Variants in TBC1D20 observed in about 807,000 individuals in gnomAD.
TBC1D20 encodes the protein chromosome 20 open reading frame 140.
In TBC1D20, 12 loss-of-function variants were observed where a neutral mutation model predicts 41.6. The ratio of observed to expected loss-of-function variants is 0.29; its 90% CI spans 0.18 to 0.47. The LOEUF is 0.47. TBC1D20 is among the 20% of genes least tolerant of loss of function. The probability of loss-of-function intolerance (pLI) is 1.00; values close to 1 mark genes in which losing one functional copy is unlikely to be tolerated. For synonymous variants in TBC1D20, 205 were observed against 204.8 expected (o/e 1.00, Z -0.01); for missense variants, 421 against 517.4 (o/e 0.81, Z 1.81).
rs1396794560 is a variant in TBC1D20, at chr20:438,541, G to T, written c.*45C>A. 6.3e-7 allele frequency: 1 copy of T among 1,592,860 alleles called. No individual in the cohort carries two copies. Among genetic ancestry groups the T allele is most frequent in the Non-Finnish European group, 8.6e-7 (1 of 1,165,436 alleles). ...CACCCCTCCCAATCCTTCCATGGAA[G>T]GGTGAGACCTTAATGTGATGTAAGA... On this transcript the variant is annotated 3_prime_UTR_variant, in exon 8 of 8. Coordinates refer to ENST00000354200, the MANE Select transcript of TBC1D20 (RefSeq NM_144628.4).
At chr20:441,420 C>G in intron 5 of TBC1D20, 168 bp downstream of exon 5, 1 of 624,072 alleles carries the variant, frequency 1.6e-6, no homozygotes, top group Non-Finnish European at 2.8e-6. Context: ...CAAAAATGCT[C>G]CAAGAACTGA....
chr20:452,546 G>A (rs2122413811), intron 1 of TBC1D20, among the ~76,000 whole-genome samples: 1 of 152,310 alleles, frequency 6.6e-6, no homozygotes, highest in Non-Finnish European at 1.5e-5. Flanking sequence ...GAGCCCAGGA[G>A]TATAAGGCTG....
At position 441,655 on chromosome 20, in the gene TBC1D20, G is replaced by C. The variant is rs758653370; in HGVS notation, c.559C>G (p.His187Asp). ...FMDPTMDNTK[H>D]ILNYLMPIID... ...ATGGGCATCAGATAGTTTAATATAT[G>C]CTTGGTGTTGTCCATTGTTGGATCC... is the stretch of plus-strand genomic sequence containing the variant. The change falls in exon 5 of 8, where the codon CAT (histidine) becomes GAT (aspartate). Residue 187 changes from histidine (H) to aspartate (D), a missense_variant. Transcript: ENST00000354200. 4.3e-6 allele frequency: 7 copies of C among 1,614,036 alleles called. No individual in the cohort carries two copies. Among genetic ancestry groups the C allele is most frequent in the African/African-American group, 1.3e-5 (1 of 74,910 alleles).
chr20:447,979 T>G lies in TBC1D20; in HGVS notation c.166A>C (p.Ser56Arg), dbSNP rs778422685. 1.2e-6 allele frequency: 2 copies of G among 1,614,214 alleles called. No homozygotes were observed. Among genetic ancestry groups the G allele is most frequent in the Non-Finnish European group, 1.7e-6 (2 of 1,180,030 alleles). ...TCATCAGTCAGGAGCCCTCCTTCAC[T>G]GATAGCCATGCGTCTAAGGGCAGCC... ...DVAALRRMAI[S>R]EGGLLTDEIR... The change falls in exon 2 of 8, where the codon AGT (serine) becomes CGT (arginine). Residue 56 changes from serine (S) to arginine (R), a missense_variant. Transcript: ENST00000354200.
In TBC1D20 at chr20:442,098, G is replaced by A; in HGVS notation, c.338-55C>T. 3 of 1,453,622 alleles carry A rather than the reference G, an allele frequency of 2.1e-6. No homozygotes were observed. In the South Asian group the frequency reaches 4.3e-5, roughly 21 times the overall value. The allele number at this position is 1,453,622 out of a possible 1,614,324, so 90.0% of individuals were successfully genotyped here. A position where few individuals can be genotyped will look rare whatever the true frequency, so the allele number is the denominator to read the frequency against. On this transcript the variant is annotated intron_variant, in intron 3 of 7. Transcript: ENST00000354200. ...CATACCAAGCAGCCTAGTTAACAAG[G>A]AGGTCGAAGAAGGCCAGCAATGAAT...
intron 1 of TBC1D20, among the ~76,000 whole-genome samples, chr20:451,690 T>C (rs1273997369): frequency 6.6e-6 from 1 of 152,216 alleles, no homozygotes; most frequent in Non-Finnish European, 1.5e-5. Flanking sequence ...ACCTTCTTCC[T>C]TTTCCTGCAA....
chr20:461,696 G>A (rs1390931380), intron 1 of TBC1D20, among the ~76,000 whole-genome samples: 4 of 152,238 alleles, frequency 2.6e-5, no homozygotes, highest in Non-Finnish European at 4.4e-5. Flanking sequence ...AAAATAGGTG[G>A]CAGAAGACAG....
In TBC1D20 at chr20:439,315, C is replaced by G; in HGVS notation, c.769-20G>C. 6.3e-7 allele frequency: 1 copy of G among 1,581,002 alleles called. No homozygotes were observed. Among genetic ancestry groups the G allele is most frequent in the Non-Finnish European group, 8.6e-7 (1 of 1,162,538 alleles). ...CACAATCTGTGGGGAGGTAGTAAAG[C>G]CTTGCAGTCAGAGGCCAGACACACA... On this transcript the variant is annotated intron_variant, in intron 6 of 7. Coordinates refer to ENST00000354200, the MANE Select transcript of TBC1D20 (RefSeq NM_144628.4). The surrounding 1 kb of genome is among the most constrained non-coding windows in gnomAD (Gnocchi z 4.6).
chr20:446,820 CAG>C (rs1197199221), intron 2 of TBC1D20, among the ~76,000 whole-genome samples: 1 of 151,378 alleles, frequency 6.6e-6, no homozygotes, highest in Non-Finnish European at 1.5e-5. Flanking sequence ...TTTGTAGAGA[CAG>C]GGTTTCGCAA....
At position 435,525 on chromosome 20, in the gene TBC1D20, A is replaced by G. The variant is rs1237634496; in HGVS notation, c.*3061T>C. ...CAAACATTATTAGAAAAGGATACAA[A>G]TAAGTAAACAGCCAGATGAAGATAC... On this transcript the variant is annotated 3_prime_UTR_variant, in exon 8 of 8. Coordinates refer to ENST00000354200, the MANE Select transcript of TBC1D20 (RefSeq NM_144628.4). 1 of 153,682 alleles carries G rather than the reference A, an allele frequency of 6.5e-6. No individual in the cohort carries two copies. The highest frequency in any genetic ancestry group is 2.4e-5 in the African/African-American group (1 of 41,470). 9.5% of individuals were successfully genotyped at this position (153,682 alleles called of 1,614,324 possible).
At chr20:447,775 A>G (rs2017363569) in intron 2 of TBC1D20, 114 bp downstream of exon 2, 14 of 841,770 alleles carry the variant, frequency 1.7e-5, no homozygotes, top group Non-Finnish European at 2.4e-5. Context: ...AAAACACCCT[A>G]GATTTATTCA....
At position 438,786 on chromosome 20, in the gene TBC1D20, C is replaced by A. The variant is rs750401356; in HGVS notation, c.1012G>T (p.Asp338Tyr). The change falls in exon 8 of 8, where the codon GAT becomes TAT. Residue 338 changes from aspartate (D) to tyrosine (Y), a missense_variant. Coordinates refer to ENST00000354200, the MANE Select transcript of TBC1D20 (RefSeq NM_144628.4). ...FELASAQQRP[D>Y]MVLRQRFRGL... ...CGAAACCGCTGCCGCAGCACCATAT[C>A]AGGCCTCTGCTGGGCTGATGCCAGC... 6.2e-7 allele frequency: 1 copy of A among 1,614,238 alleles called. No individual in the cohort carries two copies. Among genetic ancestry groups the A allele is most frequent in the Admixed American group, 1.7e-5 (1 of 60,024 alleles).
chr20:449,510 G>A (rs370082505), intron 1 of TBC1D20, among the ~76,000 whole-genome samples: 802 of 9,254 alleles, frequency 0.087, 9 homozygotes, highest in African/African-American at 0.38. Flanking sequence ...CAGGAGAGTC[G>A]CTTGAAACCC....
intron 1 of TBC1D20, among the ~76,000 whole-genome samples, chr20:456,694 A>G (rs981841138): frequency 6.6e-6 from 1 of 151,886 alleles, no homozygotes; most frequent in Non-Finnish European, 1.5e-5. Context: ...CCTCCCGAGT[A>G]GCTGGGATTA....
At chr20:448,973 A>G (rs917441205) in intron 1 of TBC1D20, among the ~76,000 whole-genome samples, 2 of 145,348 alleles carry the variant, frequency 1.4e-5, no homozygotes, top group African/African-American at 2.6e-5. Context: ...CAGCCTCCCA[A>G]GTAGCTGGGA....
chr20:456,750 G>C (rs530772276), intron 1 of TBC1D20, among the ~76,000 whole-genome samples: 2 of 150,984 alleles, frequency 1.3e-5, no homozygotes, highest in African/African-American at 4.9e-5. Flanking sequence ...ATTTTTAGTG[G>C]AGACGGGGTT....
chr20:441,745 G>C (rs1001272742), intron 4 of TBC1D20, 56 bp from the exon 5 acceptor site: 2 of 1,597,570 alleles, frequency 1.3e-6, no homozygotes, highest in African/African-American at 2.7e-5. Flanking sequence ...CAGGGCTCAG[G>C]GTGGCGAGGG....
rs550870181 is a variant in TBC1D20, at chr20:437,515, G to A, written c.*1071C>T. The stretch of plus-strand genomic sequence containing the variant: ...TGGAGAGTCTTTGCAAGTTTCCAAC[G>A]ACATTTCCAACCAGGTGGGAGAGAC... On this transcript the variant is annotated 3_prime_UTR_variant, in exon 8 of 8. Coordinates refer to ENST00000354200, the MANE Select transcript of TBC1D20 (RefSeq NM_144628.4). 4 of 152,480 alleles carry A rather than the reference G, an allele frequency of 2.6e-5. No homozygotes were observed. The highest frequency in any genetic ancestry group is 2.1e-4 in the South Asian group (1 of 4,830). The allele number at this position is 152,480 out of a possible 1,614,324, so 9.4% of individuals were successfully genotyped here.
At position 462,496 on chromosome 20, in the gene TBC1D20, G is replaced by C. The variant is rs1463073530; in HGVS notation, c.-91C>G. On this transcript the variant is annotated 5_prime_UTR_variant, in exon 1 of 8. Transcript: ENST00000354200. ...CGACCGCGGGACGTAGCACCCGCTC[G>C]GCATCGGCAGGCTCCCCTCCGTCGG... The C allele has an allele frequency of 6.4e-5, 45 of 707,408 alleles. No homozygotes were observed. In the East Asian group the frequency reaches 2.0e-3, roughly 32 times the overall value. The allele number at this position is 707,408 out of a possible 1,614,324, so 43.8% of individuals were successfully genotyped here.
Sources: gnomAD v4.1 joint callset for allele counts (sites outside exome capture counted in the v4.1 genomes callset) on GRCh38, gnomAD v4.1.1 for gene constraint, Gnocchi (gnomAD v3.1) non-coding constraint, MANE v1.5 for transcripts, NCBI Gene and HGNC (gene_info 2026-07-23, HGNC 2026-07-21) for gene names.